ROBO2: variants seen among roughly 807,000 people sequenced by gnomAD.
ROBO2 encodes the protein roundabout guidance receptor 2, also known as roundabout homolog 2.
Under a neutral mutation model 160.8 loss-of-function variants are expected in ROBO2, and 53 were observed. The ratio of observed to expected loss-of-function variants is 0.33; its 90% confidence interval spans 0.26 to 0.41. ROBO2 has a LOEUF of 0.41. ROBO2 is among the 10% of genes least tolerant of loss of function. ROBO2 has a pLI of 1.00. For missense variants in ROBO2, 1,577 were observed against 1,722.4 expected (o/e 0.92, Z 1.49); for synonymous variants, 664 against 611.7 (o/e 1.09, Z -1.26).
intron 2 of ROBO2, among the ~76,000 whole-genome samples, chr3:77,296,472 A>G (rs554300926): frequency 6.6e-6 from 1 of 152,142 alleles, no homozygotes; most frequent in African/African-American, 2.4e-5. Context: ...TGCACATTGG[A>G]CTTGCCTCAG....
intron 2 of ROBO2, among the ~76,000 whole-genome samples, chr3:76,529,122 T>C (rs2082097543): frequency 6.6e-6 from 1 of 152,146 alleles, no homozygotes; most frequent in East Asian, 1.9e-4. Flanking sequence ...GACAGCATGT[T>C]ATGTAGAAAA....
At chr3:76,806,284 T>C (rs1403287576) in intron 2 of ROBO2, among the ~76,000 whole-genome samples, 5 of 151,604 alleles carry the variant, frequency 3.3e-5, no homozygotes, top group Non-Finnish European at 5.9e-5. Context: ...AATACATTTT[T>C]CTCTTTTTGA....
intron 2 of ROBO2, among the ~76,000 whole-genome samples, chr3:76,654,913 G>GTGTGTATATATA (rs536883164): frequency 4.0e-5 from 3 of 74,164 alleles, no homozygotes; most frequent in Non-Finnish European, 8.8e-5. Flanking sequence ...ATATGTGTGT[G>GTGTGTATATATA]TATATATATA....
At chr3:76,150,035 C>G (rs2072107754) in intron 2 of ROBO2, among the ~76,000 whole-genome samples, 1 of 144,510 alleles carries the variant, frequency 6.9e-6, no homozygotes, top group Non-Finnish European at 1.5e-5. Flanking sequence ...CTAAATCACA[C>G]ATCTGTCTAA....
intron 2 of ROBO2, among the ~76,000 whole-genome samples, chr3:76,644,811 C>T (rs1239839175): frequency 3.3e-5 from 5 of 152,146 alleles, no homozygotes; most frequent in African/African-American, 1.2e-4. Context: ...GATGCTGAGG[C>T]AGTTAATAAT....
chr3:77,593,213 TAA>T lies in ROBO2; in HGVS notation c.2684-1916_2684-1915del, dbSNP rs35319274. On this transcript the variant is annotated intron_variant, in intron 17 of 25. Coordinates refer to ENST00000461745, the Ensembl canonical transcript of ROBO2. ...CTAAAACAATCACTTGATAGTCCAT[TAA>T]AAAAAAAAAAAACACAAACTAGAAA... 1.7e-3 allele frequency among the ~76,000 whole-genome samples: 241 copies of T among 144,122 alleles called. 3 individuals carry two copies. Among genetic ancestry groups the T allele is most frequent in the African/African-American group, 4.1e-3 (159 of 39,222 alleles). The allele number at this position is 144,122 out of a possible 152,430, so 94.5% of individuals were successfully genotyped here. A position where few individuals can be genotyped will look rare whatever the true frequency, so the allele number is the denominator to read the frequency against.
intron 2 of ROBO2, among the ~76,000 whole-genome samples, chr3:76,364,841 T>C (rs966432070): frequency 1.1e-4 from 17 of 152,086 alleles, no homozygotes; most frequent in Admixed American, 9.2e-4. Flanking sequence ...AGAAATAGTA[T>C]GTTAGAAATT....
intron 2 of ROBO2, among the ~76,000 whole-genome samples, chr3:77,430,566 C>G (rs965052692): frequency 1.3e-5 from 2 of 152,004 alleles, no homozygotes; most frequent in Non-Finnish European, 2.9e-5. Context: ...TCCTAAACCA[C>G]AAAAGGATGA....
chr3:77,416,434 C>T lies in ROBO2; in HGVS notation c.389-60980C>T, dbSNP rs145215663. 6.3e-3 allele frequency among the ~76,000 whole-genome samples: 962 copies of T among 152,132 alleles called. 6 individuals carry two copies. Among genetic ancestry groups the T allele is most frequent in the Non-Finnish European group, 9.8e-3 (666 of 67,972 alleles). ...CCTTTCTGCCCAGAAATTTATCTGC[C>T]GTGGCCTGGAGCAGTGGCTCATGCC... On this transcript the variant is annotated intron_variant, in intron 2 of 25. Transcript: ENST00000461745.
At chr3:76,735,786 A>AAAAAAAAAAAAAAGGGG (rs1553886639) in intron 2 of ROBO2, among the ~76,000 whole-genome samples, 1 of 126,600 alleles carries the variant, frequency 7.9e-6, no homozygotes, top group Non-Finnish European at 1.6e-5. Flanking sequence ...GAAAAAAAAA[A>AAAAAAAAAAAAAAGGGG]GGGGAAAGGG....
chr3:76,438,131 A>AC (rs2076764451), intron 2 of ROBO2, among the ~76,000 whole-genome samples: 1 of 152,136 alleles, frequency 6.6e-6, no homozygotes, highest in Admixed American at 6.6e-5. Context: ...AAGACAGGCA[A>AC]TATTCATTCT....
intron 2 of ROBO2, among the ~76,000 whole-genome samples, chr3:76,206,064 T>C (rs150261892): frequency 3.9e-5 from 6 of 152,270 alleles, no homozygotes; most frequent in Non-Finnish European, 7.4e-5. Flanking sequence ...AGCCCAGTTA[T>C]TGTTCAAATA....
At chr3:77,607,384 T>G (rs915600201) in intron 20 of ROBO2, among the ~76,000 whole-genome samples, 2 of 152,314 alleles carry the variant, frequency 1.3e-5, no homozygotes. Flanking sequence ...AATGGAAAAG[T>G]TTAGCCTATA....
chr3:76,708,320 A>G (rs745524893), intron 2 of ROBO2, among the ~76,000 whole-genome samples: 45 of 152,306 alleles, frequency 3.0e-4, no homozygotes, highest in South Asian at 1.4e-3. Context: ...AACAAAAGGT[A>G]AACCCATTCC....
At chr3:77,164,220 AG>A (rs930408583) in intron 2 of ROBO2, among the ~76,000 whole-genome samples, 6 of 152,238 alleles carry the variant, frequency 3.9e-5, no homozygotes, top group Admixed American at 6.5e-5. Flanking sequence ...AAAATAAAAA[AG>A]TGGTATGTGG....
At chr3:77,192,818 G>T (rs934862028) in intron 2 of ROBO2, among the ~76,000 whole-genome samples, 1 of 151,228 alleles carries the variant, frequency 6.6e-6, no homozygotes, top group Admixed American at 6.6e-5. Flanking sequence ...GCTTATTTTT[G>T]TATTTTTGTA....
At chr3:77,347,895 T>C (rs907445314) in intron 2 of ROBO2, among the ~76,000 whole-genome samples, 8 of 152,166 alleles carry the variant, frequency 5.3e-5, no homozygotes, top group Admixed American at 4.6e-4. Context: ...TCATTTTCTA[T>C]CTTAAAGTAC....
At chr3:77,372,589 C>T (rs935548617) in intron 2 of ROBO2, among the ~76,000 whole-genome samples, 3 of 152,036 alleles carry the variant, frequency 2.0e-5, no homozygotes, top group Non-Finnish European at 2.9e-5. Context: ...AGAATAATTG[C>T]TTCTACCAAC....
At chr3:77,619,195 A>G (rs9848106) in intron 22 of ROBO2, among the ~76,000 whole-genome samples, 16,400 of 152,138 alleles carry the variant, frequency 0.11, 1,264 homozygotes, top group African/African-American at 0.21. Context: ...CTCAACATTT[A>G]TATGCTATAG....
Sources: allele counts gnomAD v4.1 joint callset (sites outside exome capture counted in the v4.1 genomes callset), GRCh38; gene constraint gnomAD v4.1.1; transcripts MANE v1.5; gene names NCBI Gene and HGNC (gene_info 2026-07-23, HGNC 2026-07-21).